ADGRB3: variants seen among roughly 807,000 people sequenced by gnomAD.
The protein encoded by ADGRB3 is adhesion G protein-coupled receptor B3, also known as brain-specific angiogenesis inhibitor 3.
In ADGRB3, 37 loss-of-function variants were observed where a neutral mutation model predicts 193.4. That is an observed-to-expected ratio of 0.19 (90% confidence interval 0.15 to 0.25). ADGRB3 has a LOEUF of 0.25. Among genes scored for constraint, ADGRB3 ranks in the 10% least tolerant of loss-of-function variants. ADGRB3 has a pLI of 1.00. For missense variants in ADGRB3, 1,637 were observed against 1,852.9 expected, an observed-to-expected ratio of 0.88 and a Z score of 2.14; for synonymous variants, 690 against 644.2, an observed-to-expected ratio of 1.07 and a Z score of -1.08.
At chr6:69,344,037 T>C (rs1253581571) in intron 26 of ADGRB3, among the ~76,000 whole-genome samples, 1 of 152,224 alleles carries the variant, frequency 6.6e-6, no homozygotes, top group Non-Finnish European at 1.5e-5. Flanking sequence ...CTGCACATTC[T>C]TCTCATCTTT....
At chr6:69,134,119 C>T (rs1341147989) in intron 17 of ADGRB3, among the ~76,000 whole-genome samples, 1 of 152,026 alleles carries the variant, frequency 6.6e-6, no homozygotes, top group African/African-American at 2.4e-5. Context: ...CATACTTTTG[C>T]AATTGTGAAT....
intron 17 of ADGRB3, among the ~76,000 whole-genome samples, chr6:69,077,730 C>G (rs551074667): frequency 1.8e-4 from 28 of 152,102 alleles, no homozygotes; most frequent in African/African-American, 6.5e-4. Flanking sequence ...AATGTCTCAG[C>G]TTTACAACAT....
intron 3 of ADGRB3, among the ~76,000 whole-genome samples, chr6:68,755,500 G>T (rs1311047319): frequency 1.3e-5 from 2 of 152,118 alleles, no homozygotes; most frequent in African/African-American, 4.8e-5. Context: ...TTTGTCTTGG[G>T]GAATTAGGAG....
chr6:68,644,877 C>T (rs1242930477), intron 3 of ADGRB3, among the ~76,000 whole-genome samples: 1 of 152,118 alleles, frequency 6.6e-6, no homozygotes, highest in Non-Finnish European at 1.5e-5. Context: ...CATGTGCCAA[C>T]ATATGTGTTT....
chr6:69,249,812 G>A (rs1033223284), intron 20 of ADGRB3, among the ~76,000 whole-genome samples: 14 of 152,128 alleles, frequency 9.2e-5, no homozygotes, highest in African/African-American at 2.9e-4. Flanking sequence ...TTTTGTGGTA[G>A]CTAGTCAGTT....
intron 17 of ADGRB3, among the ~76,000 whole-genome samples, chr6:69,221,099 A>G (rs1299722883): frequency 6.6e-6 from 1 of 152,060 alleles, no homozygotes; most frequent in African/African-American, 2.4e-5. Flanking sequence ...CAAAAGAGGG[A>G]CTAAAACATT....
In ADGRB3 at chr6:68,843,098, G is replaced by A. The variant is rs547034301; in HGVS notation, c.758-87461G>A. Among the ~76,000 whole-genome samples, 5 of 149,806 alleles carry A rather than the reference G, an allele frequency of 3.3e-5. No homozygotes were observed. In the South Asian group the frequency reaches 8.4e-4, roughly 25 times the overall value. Reference sequence around the variant, plus strand: ...CGTACTGAATGGGGAAAAACTGAAAGCCTTTCCTCTAAGATCTGAAACATG... The same window carrying A: ...CGTACTGAATGGGGAAAAACTGAAAACCTTTCCTCTAAGATCTGAAACATG... On this transcript the variant is annotated intron_variant, in intron 3 of 31. Coordinates refer to ENST00000370598, the MANE Select transcript of ADGRB3 (RefSeq NM_001704.3).
At chr6:68,646,487 AAAAAAAG>A (rs1191038353) in intron 3 of ADGRB3, among the ~76,000 whole-genome samples, 3 of 147,264 alleles carry the variant, frequency 2.0e-5, no homozygotes, top group African/African-American at 7.4e-5. Flanking sequence ...AAAAAAAAAA[AAAAAAAG>A]AAAAAAGAAA....
At chr6:68,819,513 A>G (rs1445588996) in intron 3 of ADGRB3, among the ~76,000 whole-genome samples, 1 of 151,958 alleles carries the variant, frequency 6.6e-6, no homozygotes. Flanking sequence ...TAAATTGAGT[A>G]CGATTGATAC....
chr6:69,263,006 T>C (rs1416170140), intron 20 of ADGRB3, among the ~76,000 whole-genome samples: 2 of 151,970 alleles, frequency 1.3e-5, no homozygotes, highest in Non-Finnish European at 2.9e-5. Flanking sequence ...TTAAATTTGC[T>C]TCACTGGAAA....
intron 3 of ADGRB3, among the ~76,000 whole-genome samples, chr6:68,737,828 A>T (rs780729318): frequency 6.6e-6 from 1 of 152,200 alleles, no homozygotes; most frequent in Non-Finnish European, 1.5e-5. Context: ...CCTACCGGGC[A>T]GGTACTACTT....
chr6:69,158,264 A>G (rs563001476), intron 17 of ADGRB3, among the ~76,000 whole-genome samples: 1 of 152,216 alleles, frequency 6.6e-6, no homozygotes, highest in East Asian at 1.9e-4. Context: ...TGGGTACCAA[A>G]TAAACTTGAT....
chr6:69,266,814 T>A (rs1446790225), intron 20 of ADGRB3, among the ~76,000 whole-genome samples: 2 of 152,034 alleles, frequency 1.3e-5, no homozygotes, highest in Non-Finnish European at 2.9e-5. Context: ...TACATGCATA[T>A]TCAGAAAGGT....
intron 20 of ADGRB3, among the ~76,000 whole-genome samples, chr6:69,242,997 G>A (rs1253058138): frequency 6.6e-6 from 1 of 151,866 alleles, no homozygotes; most frequent in Non-Finnish European, 1.5e-5. Context: ...TTAGAGAATA[G>A]TTTTTCTTAA....
intron 17 of ADGRB3, among the ~76,000 whole-genome samples, chr6:69,080,620 A>T (rs2150314226): frequency 6.6e-6 from 1 of 151,920 alleles, no homozygotes; most frequent in Admixed American, 6.6e-5. Flanking sequence ...CTACAGACTC[A>T]TAATTACCTA....
chr6:69,091,702 T>C (rs919936034), intron 17 of ADGRB3, among the ~76,000 whole-genome samples: 3 of 152,144 alleles, frequency 2.0e-5, no homozygotes, highest in African/African-American at 4.8e-5. Flanking sequence ...AGGCTTAATA[T>C]CTGGGTGATG....
At chr6:69,364,527 A>G (rs2127334913) in intron 29 of ADGRB3, among the ~76,000 whole-genome samples, 1 of 152,056 alleles carries the variant, frequency 6.6e-6, no homozygotes, top group East Asian at 1.9e-4. Context: ...ATAAAAACAT[A>G]TCTAGATTTT....
At chr6:69,035,572 G>A (rs1451114397) in intron 13 of ADGRB3, among the ~76,000 whole-genome samples, 1 of 152,054 alleles carries the variant, frequency 6.6e-6, no homozygotes, top group Non-Finnish European at 1.5e-5. Flanking sequence ...ACCCTGAAAA[G>A]GATTTCTTAT....
intron 17 of ADGRB3, among the ~76,000 whole-genome samples, chr6:69,118,362 C>T (rs1773589746): frequency 1.3e-5 from 2 of 151,978 alleles, no homozygotes; most frequent in African/African-American, 4.8e-5. Context: ...ATAAATAACA[C>T]AAAACTTGGC....
Sources: gnomAD v4.1 joint callset for allele counts (sites outside exome capture counted in the v4.1 genomes callset) on GRCh38, gnomAD v4.1.1 for gene constraint, MANE v1.5 for transcripts, NCBI Gene and HGNC (gene_info 2026-07-23, HGNC 2026-07-21) for gene names.